OSMR: variants seen among roughly 807,000 people sequenced by gnomAD.
The protein encoded by OSMR is oncostatin-M-specific receptor subunit beta.
In OSMR, 81 loss-of-function variants were observed where a neutral mutation model predicts 99.9. The ratio of observed to expected loss-of-function variants is 0.81; its 90% CI spans 0.68 to 0.97. The LOEUF (loss-of-function observed/expected upper bound fraction) is 0.97. OSMR is among the 50% of genes least tolerant of loss of function. The pLI, the probability that OSMR is intolerant of heterozygous loss-of-function variation, is 0.00. For missense variants in OSMR, 1,099 were observed against 1,153.4 expected, an observed-to-expected ratio of 0.95 and a Z score of 0.68; for synonymous variants, 406 against 410.4, an observed-to-expected ratio of 0.99 and a Z score of 0.13.
chr5:38,942,611 C>T (rs1170162270), intron 1 of OSMR, among the ~76,000 whole-genome samples: 2 of 148,588 alleles, frequency 1.3e-5, no homozygotes, highest in Admixed American at 6.7e-5. Context: ...ACACCAACCT[C>T]GGCTAATTAA....
exon 3 of OSMR, chr5:38,945,034 C>T (rs373411571): frequency 1.2e-6 from 2 of 1,610,354 alleles, no homozygotes; most frequent in African/African-American, 2.7e-5. Flanking sequence ...GGATAGTCTG[C>T]TCACACCAAT....
At chr5:38,935,833 C>G (rs889344330), downstream of OSMR, among the ~76,000 whole-genome samples, 1 of 151,882 alleles carries the variant, frequency 6.6e-6, no homozygotes, top group Non-Finnish European at 1.5e-5. Flanking sequence ...CATCTACACA[C>G]TAAACTTTGA....
At chr5:38,894,287 A>G (rs910518032) in intron 7 of OSMR, among the ~76,000 whole-genome samples, 43 of 152,158 alleles carry the variant, frequency 2.8e-4, no homozygotes, top group African/African-American at 1.0e-3. Flanking sequence ...ACAACCAGCT[A>G]ACAACTTCAC....
chr5:38,944,814 G>T, intron 2 of OSMR: 1 of 1,210,402 alleles, frequency 8.3e-7, no homozygotes, highest in Non-Finnish European at 1.2e-6. Flanking sequence ...TTACTGTTTT[G>T]AGACAACTTT....
intron 3 of OSMR, among the ~76,000 whole-genome samples, chr5:38,879,324 T>C (rs1004519381): frequency 6.6e-6 from 1 of 152,212 alleles, no homozygotes; most frequent in African/African-American, 2.4e-5. Flanking sequence ...ATGGAGTGCA[T>C]GCTCAGGTTT....
exon 2 of OSMR, chr5:38,944,201 A>C (rs1488572439): frequency 1.7e-6 from 1 of 574,196 alleles, no homozygotes; most frequent in South Asian, 1.5e-5. Context: ...TTTTTTGCAG[A>C]TCTCTTCAAA....
chr5:38,873,829 A>C (rs536182840), intron 2 of OSMR, among the ~76,000 whole-genome samples: 1 of 151,400 alleles, frequency 6.6e-6, no homozygotes, highest in South Asian at 2.1e-4. Flanking sequence ...ATTTTATTTT[A>C]TTCTATTTTA....
At chr5:38,930,836 A>G (rs1746695054) in intron 15 of OSMR, among the ~76,000 whole-genome samples, 1 of 152,106 alleles carries the variant, frequency 6.6e-6, no homozygotes, top group Non-Finnish European at 1.5e-5. Flanking sequence ...ATTGTTTTGA[A>G]ATAATTATTC....
At chr5:38,919,126 T>G (rs1746098067) in intron 11 of OSMR, 64 bp downstream of exon 11, 2 of 1,582,342 alleles carry the variant, frequency 1.3e-6, no homozygotes, top group South Asian at 2.3e-5. Flanking sequence ...CGTTATTAAG[T>G]AGTGATGGAT....
chr5:38,921,691 T>G lies in OSMR; in HGVS notation c.1662T>G (p.Val554=), dbSNP rs758375654. ...SLSWKPQPGD[V]IGYVVDWCDH... is the part of the protein sequence containing the mutation. ...CTTGGAAACCCCAACCTGGAGATGT[T>G]ATAGGCTATGTTGTGGACTGGTGTG... Residue 554 remains valine (V), a synonymous_variant, in exon 12 of 18, where the codon GTT becomes GTG. Coordinates refer to ENST00000274276, the MANE Select transcript of OSMR (RefSeq NM_003999.3). 1.4e-5 allele frequency: 22 copies of G among 1,614,128 alleles called. No homozygotes were observed. The highest frequency in any genetic ancestry group is 1.6e-5 in the Non-Finnish European group (19 of 1,180,008).
chr5:38,890,743 GAAAAA>G (rs754680765), intron 7 of OSMR, among the ~76,000 whole-genome samples: 9 of 151,944 alleles, frequency 5.9e-5, no homozygotes, highest in Non-Finnish European at 1.2e-4. Context: ...AAGAAGAAAA[GAAAAA>G]AGAGATAAAG....
intron 1 of OSMR, 71 bp from the exon 2 acceptor site, chr5:38,868,961 A>G (rs1346813402): frequency 5.8e-6 from 9 of 1,563,780 alleles, no homozygotes; most frequent in Non-Finnish European, 7.8e-6. Flanking sequence ...ATCTACCACA[A>G]TTGGCTCGAA....
chr5:38,926,357 A>G (rs921296174), intron 15 of OSMR, among the ~76,000 whole-genome samples: 1 of 152,206 alleles, frequency 6.6e-6, no homozygotes, highest in African/African-American at 2.4e-5. Flanking sequence ...CCGTTCTCAC[A>G]CTACTATAAA....
chr5:38,875,666 T>C (rs1742760683), intron 2 of OSMR, among the ~76,000 whole-genome samples: 1 of 152,246 alleles, frequency 6.6e-6, no homozygotes, highest in South Asian at 2.1e-4. Context: ...TCACATCAAA[T>C]ACCTGGTATG....
At chr5:38,918,708 C>T in intron 10 of OSMR, 132 bp from the exon 11 acceptor site, 1 of 1,503,754 alleles carries the variant, frequency 6.7e-7, no homozygotes, top group South Asian at 1.4e-5. Flanking sequence ...GTTATTTTCT[C>T]TATTAAGCTG....
intron 1 of OSMR, among the ~76,000 whole-genome samples, chr5:38,847,136 C>T (rs572174041): frequency 2.6e-5 from 4 of 152,288 alleles, no homozygotes; most frequent in African/African-American, 7.2e-5. Flanking sequence ...ATGTAGGATA[C>T]TTAGTTTGAG....
rs748866883 is a variant in OSMR at position 38,904,419 on chromosome 5, A to G, written c.1201A>G (p.Met401Val). 2.7e-5 allele frequency: 44 copies of G among 1,614,052 alleles called. No individual in the cohort carries two copies. Among genetic ancestry groups the G allele is most frequent in the Admixed American group, 1.0e-4 (6 of 59,996 alleles). ...TGAACTGGAACCTGCCACAGAGTAC[A>G]TGGCGCGAGTACGGTGTGCTGATGC... Reference protein sequence around the residue: ...LSELEPATEYMARVRCADASH... With the variant: ...LSELEPATEYVARVRCADASH... Residue 401 changes from methionine to valine, a missense_variant, in exon 9 of 18, where the codon ATG becomes GTG. Transcript: ENST00000274276.
At chr5:38,943,506 CA>C (rs1304623245) in intron 1 of OSMR, among the ~76,000 whole-genome samples, 2 of 152,046 alleles carry the variant, frequency 1.3e-5, no homozygotes, top group Non-Finnish European at 2.9e-5. Flanking sequence ...ATACCTATAT[CA>C]CCCTTAAAAA....
chr5:38,919,367 A>T (rs1409855520), intron 11 of OSMR: 4 of 1,347,672 alleles, frequency 3.0e-6, no homozygotes. Context: ...GTCACCACTG[A>T]GAGTTGGAGT....
Sources: gnomAD v4.1 joint callset for allele counts (sites outside exome capture counted in the v4.1 genomes callset) on GRCh38, gnomAD v4.1.1 for gene constraint, MANE v1.5 for transcripts, NCBI Gene and HGNC (gene_info 2026-07-23, HGNC 2026-07-21) for gene names.